Variants in AGMO observed in about 807,000 individuals in gnomAD.
AGMO encodes the protein alkylglycerol monooxygenase, also known as glyceryl-ether monooxygenase.
Under a neutral mutation model 60.2 loss-of-function variants are expected in AGMO, and 75 were observed. The ratio of observed to expected loss-of-function variants is 1.25; its 90% confidence interval spans 1.03 to 1.51. The LOEUF (loss-of-function observed/expected upper bound fraction) is 1.51. Among genes scored for constraint, AGMO ranks in the 40% most tolerant of loss-of-function variants. The pLI, the probability that AGMO is intolerant of heterozygous loss-of-function variation, is 0.00. For synonymous variants in AGMO, 261 were observed against 177.1 expected, an observed-to-expected ratio of 1.47 and a Z score of -3.76; for missense variants, 763 against 525.5, an observed-to-expected ratio of 1.45 and a Z score of -4.42.
intron 12 of AGMO, among the ~76,000 whole-genome samples, chr7:15,304,439 G>T (rs924143015): frequency 6.6e-6 from 1 of 151,994 alleles, no homozygotes; most frequent in Non-Finnish European, 1.5e-5. Context: ...AAATCTGTTG[G>T]TATAAAGAAA....
intron 12 of AGMO, among the ~76,000 whole-genome samples, chr7:15,255,959 G>T (rs1013080886): frequency 6.6e-6 from 1 of 152,112 alleles, no homozygotes; most frequent in Non-Finnish European, 1.5e-5. Context: ...TAAGAGAGAA[G>T]AACAGATATC....
At chr7:15,172,774 G>A in the AGMO span, among the ~76,000 whole-genome samples, 45 of 152,274 alleles carry the variant, frequency 3.0e-4, no homozygotes, top group African/African-American at 1.1e-3. Flanking sequence ...TACAGGTGAA[G>A]TGTGAAGTAA....
chr7:15,553,764 C>A (rs974054550), intron 2 of AGMO, among the ~76,000 whole-genome samples: 2 of 151,946 alleles, frequency 1.3e-5, no homozygotes, highest in Non-Finnish European at 2.9e-5. Flanking sequence ...AATTGAAATA[C>A]TTTTCTATTT....
At chr7:15,451,681 G>T (rs562767101) in intron 3 of AGMO, among the ~76,000 whole-genome samples, 1 of 152,078 alleles carries the variant, frequency 6.6e-6, no homozygotes, top group Non-Finnish European at 1.5e-5. Context: ...GTATAAGAGT[G>T]ATAAAAGAAA....
the AGMO span, among the ~76,000 whole-genome samples, chr7:15,173,703 G>A: frequency 6.6e-6 from 1 of 151,690 alleles, no homozygotes; most frequent in Non-Finnish European, 1.5e-5. Flanking sequence ...ATGGGTTAAG[G>A]AATAAAATGG....
At chr7:15,431,950 T>C (rs1045790441) in intron 3 of AGMO, among the ~76,000 whole-genome samples, 2 of 151,880 alleles carry the variant, frequency 1.3e-5, no homozygotes, top group African/African-American at 2.4e-5. Flanking sequence ...TCATTTTTTA[T>C]TCTGCCCATA....
the AGMO span, among the ~76,000 whole-genome samples, chr7:15,144,761 G>A: frequency 6.6e-6 from 1 of 152,166 alleles, no homozygotes; most frequent in African/African-American, 2.4e-5. Context: ...ACTGGTGTTA[G>A]GAATTATGTC....
rs951889757 is a variant in AGMO at position 15,365,428 on chromosome 7, T to G, written c.1263+86A>C. ...ATTTCCCACATGTACTGGTCAGAAA[T>G]GAAGTAGAGAAAACATCCTTGAATG... On this transcript the variant is annotated intron_variant, in intron 12 of 12. Transcript: ENST00000342526. 29 of 621,714 alleles carry G rather than the reference T, an allele frequency of 4.7e-5. No individual in the cohort carries two copies. In the African/African-American group the frequency reaches 6.8e-4, roughly 15 times the overall value. 38.5% of individuals were successfully genotyped at this position (621,714 alleles called of 1,614,324 possible).
the AGMO span, among the ~76,000 whole-genome samples, chr7:15,169,771 T>A: frequency 3.5e-4 from 54 of 152,242 alleles, no homozygotes; most frequent in Middle Eastern, 0.014. Flanking sequence ...CTTGGAACAG[T>A]TGGAGTCAGT....
At chr7:15,288,860 A>T (rs35902750) in intron 12 of AGMO, among the ~76,000 whole-genome samples, 48,176 of 143,290 alleles carry the variant, frequency 0.34, 9,381 homozygotes, top group African/African-American at 0.56. Context: ...ATAAAAAAAA[A>T]AAAAATATAT....
chr7:15,231,262 T>C (rs1782250747), intron 12 of AGMO, among the ~76,000 whole-genome samples: 1 of 152,150 alleles, frequency 6.6e-6, no homozygotes, highest in African/African-American at 2.4e-5. Flanking sequence ...TTGGGAAGCT[T>C]GCTCCACTTC....
chr7:15,243,252 G>A (rs748255223), intron 12 of AGMO, among the ~76,000 whole-genome samples: 3 of 152,028 alleles, frequency 2.0e-5, no homozygotes, highest in Non-Finnish European at 4.4e-5. Flanking sequence ...AGAGCTGGGT[G>A]GTAAATATTT....
chr7:15,483,589 ACAAACAAAC>A (rs1454602239), intron 3 of AGMO, among the ~76,000 whole-genome samples: 63 of 152,160 alleles, frequency 4.1e-4, no homozygotes, highest in South Asian at 2.1e-4. Context: ...AAACAAACAA[ACAAACAAAC>A]AAAAAACCAT....
chr7:15,260,221 A>C (rs1251051516), intron 12 of AGMO, among the ~76,000 whole-genome samples: 3 of 151,586 alleles, frequency 2.0e-5, no homozygotes, highest in African/African-American at 7.3e-5. Context: ...GGAAAAAAAA[A>C]AAAAAAAAGA....
At chr7:15,381,863 C>G (rs1004741562) in intron 10 of AGMO, among the ~76,000 whole-genome samples, 1 of 152,116 alleles carries the variant, frequency 6.6e-6, no homozygotes, top group African/African-American at 2.4e-5. Flanking sequence ...GAGGTCATGT[C>G]CTTTGCATGA....
chr7:15,557,497 G>T (rs1191227572), intron 2 of AGMO, among the ~76,000 whole-genome samples: 1 of 151,884 alleles, frequency 6.6e-6, no homozygotes, highest in Admixed American at 6.6e-5. Context: ...ATTGTTTTAA[G>T]AATTGATGTC....
chr7:15,228,330 G>A (rs994888309), intron 12 of AGMO, among the ~76,000 whole-genome samples: 2 of 152,052 alleles, frequency 1.3e-5, no homozygotes, highest in East Asian at 3.9e-4. Context: ...ATAGGGCATA[G>A]AACATCTACA....
the AGMO span, among the ~76,000 whole-genome samples, chr7:15,140,466 T>A: frequency 6.6e-6 from 1 of 152,296 alleles, no homozygotes; most frequent in East Asian, 1.9e-4. Context: ...TCTCTTGAAA[T>A]GTTTCTTCTC....
At chr7:15,483,417 T>A (rs1448362943) in intron 3 of AGMO, among the ~76,000 whole-genome samples, 1 of 146,234 alleles carries the variant, frequency 6.8e-6, no homozygotes, top group African/African-American at 2.5e-5. Context: ...ATACAAAAAA[T>A]TAGCCGGGCG....
Sources: allele counts gnomAD v4.1 joint callset (sites outside exome capture counted in the v4.1 genomes callset), GRCh38; gene constraint gnomAD v4.1.1; transcripts MANE v1.5; gene names NCBI Gene and HGNC (gene_info 2026-07-23, HGNC 2026-07-21).